Variants in ANO3 observed in about 807,000 individuals in gnomAD.
The protein encoded by ANO3 is anoctamin 3, also known as anoctamin-3.
A neutral mutation model predicts 144.8 loss-of-function variants in ANO3; 99 were observed. That is an observed-to-expected ratio of 0.68 (90% confidence interval 0.58 to 0.81). ANO3 has a LOEUF of 0.81. Among genes scored for constraint, ANO3 ranks in the 30% least tolerant of loss-of-function variants. The pLI is 0.00. For missense variants in ANO3, 905 were observed against 1,202.2 expected, an observed-to-expected ratio of 0.75 and a Z score of 3.66; for synonymous variants, 414 against 392.6, an observed-to-expected ratio of 1.05 and a Z score of -0.64.
At chr11:26,427,642 G>A (rs1438090339) in intron 1 of ANO3, among the ~76,000 whole-genome samples, 2 of 152,080 alleles carry the variant, frequency 1.3e-5, no homozygotes, top group Non-Finnish European at 2.9e-5. Context: ...GCAAACAGCT[G>A]TTGCACAACA....
intron 4 of ANO3, among the ~76,000 whole-genome samples, chr11:26,495,573 T>C (rs1860902803): frequency 6.6e-6 from 1 of 152,182 alleles, no homozygotes; most frequent in South Asian, 2.1e-4. Context: ...GTAGCCAACA[T>C]GATAGGGTCA....
At chr11:26,356,147 A>C (rs745603112) in intron 1 of ANO3, among the ~76,000 whole-genome samples, 1 of 152,034 alleles carries the variant, frequency 6.6e-6, no homozygotes, top group African/African-American at 2.4e-5. Context: ...CCACTCATCT[A>C]TATATTCCAA....
chr11:26,295,026 G>A (rs553731777), intron 1 of ANO3, among the ~76,000 whole-genome samples: 8 of 152,032 alleles, frequency 5.3e-5, no homozygotes, highest in Non-Finnish European at 1.0e-4. Flanking sequence ...AGCCTCCTGA[G>A]TAACTGGGAC....
At position 26,259,384 on chromosome 11, in the gene ANO3, T is replaced by TTTAGACATAGCATAAAATTC. The variant is rs1202165451; in HGVS notation, c.155-50261_155-50260insTTAGACATAGCATAAAATTC. Among the ~76,000 whole-genome samples, 6 of 152,252 alleles carry TTTAGACATAGCATAAAATTC rather than the reference T, an allele frequency of 3.9e-5. No individual in the cohort carries two copies. In the East Asian group the frequency reaches 1.2e-3, roughly 29 times the overall value. Reference sequence around the variant, plus strand: ...GATAAAAATGGCCAGGCATGGTGGCTCACGCCTATAATTCCACCTCTTTGG... The same window carrying TTTAGACATAGCATAAAATTC: ...GATAAAAATGGCCAGGCATGGTGGCTTTAGACATAGCATAAAATTCCACGCCTATAATTCCACCTCTTTGG... On this transcript the variant is annotated intron_variant, in intron 1 of 27. Coordinates refer to the ANO3 transcript ENST00000672621.
intron 1 of ANO3, among the ~76,000 whole-genome samples, chr11:26,312,643 G>C (rs1403984254): frequency 2.0e-5 from 3 of 152,136 alleles, no homozygotes; most frequent in African/African-American, 7.2e-5. Flanking sequence ...TAAATGTCTT[G>C]TTTTGAGAAG....
At chr11:26,445,483 C>T (rs928202276) in intron 3 of ANO3, among the ~76,000 whole-genome samples, 1 of 151,986 alleles carries the variant, frequency 6.6e-6, no homozygotes, top group African/African-American at 2.4e-5. Context: ...ATTGGATGCT[C>T]GTAACTTTAT....
At chr11:26,438,184 G>A (rs1236336064) in intron 1 of ANO3, among the ~76,000 whole-genome samples, 2 of 152,018 alleles carry the variant, frequency 1.3e-5, no homozygotes, top group Admixed American at 6.6e-5. Flanking sequence ...AAAGAAACTC[G>A]CATTTACAAT....
intron 17 of ANO3, among the ~76,000 whole-genome samples, chr11:26,613,714 A>C (rs1852166720): frequency 6.6e-6 from 1 of 152,100 alleles, no homozygotes; most frequent in Non-Finnish European, 1.5e-5. Context: ...CTCTAGTGTG[A>C]TCTTCATGGT....
chr11:26,280,908 GA>G (rs2133844269), intron 1 of ANO3, among the ~76,000 whole-genome samples: 1 of 152,256 alleles, frequency 6.6e-6, no homozygotes, highest in South Asian at 2.1e-4. Flanking sequence ...CAGCAATTGG[GA>G]AGCTGGACAT....
intron 1 of ANO3, 23 bp from the exon 2 acceptor site, chr11:26,441,895 A>C: frequency 6.3e-7 from 1 of 1,589,238 alleles, no homozygotes; most frequent in Non-Finnish European, 8.6e-7. Flanking sequence ...TTATTGCTAA[A>C]ACTCAACATT....
intron 1 of ANO3, among the ~76,000 whole-genome samples, chr11:26,298,679 T>A (rs1854148577): frequency 6.6e-6 from 1 of 152,224 alleles, no homozygotes; most frequent in Non-Finnish European, 1.5e-5. Flanking sequence ...CTAAATCTAC[T>A]ATCATTTTGG....
chr11:26,389,973 T>C (rs1223523771), intron 1 of ANO3, among the ~76,000 whole-genome samples: 2 of 152,050 alleles, frequency 1.3e-5, no homozygotes, highest in Non-Finnish European at 2.9e-5. Context: ...TATGTAACGG[T>C]CTGAATTGTT....
At chr11:26,579,427 T>G (rs1851073344) in intron 14 of ANO3, among the ~76,000 whole-genome samples, 1 of 152,128 alleles carries the variant, frequency 6.6e-6, no homozygotes, top group African/African-American at 2.4e-5. Flanking sequence ...AAAAGGAAAT[T>G]TATTCATGAC....
intron 4 of ANO3, among the ~76,000 whole-genome samples, chr11:26,471,018 G>A (rs573949154): frequency 6.6e-6 from 1 of 152,010 alleles, no homozygotes; most frequent in African/African-American, 2.4e-5. Flanking sequence ...AATATGCACT[G>A]ATCACTTTTG....
At chr11:26,551,520 T>C (rs1849932997) in intron 12 of ANO3, among the ~76,000 whole-genome samples, 1 of 152,028 alleles carries the variant, frequency 6.6e-6, no homozygotes, top group Non-Finnish European at 1.5e-5. Context: ...AGAAAATGAA[T>C]GTAATGATTC....
intron 2 of ANO3, 69 bp from the exon 3 acceptor site, chr11:26,443,696 A>C: frequency 1.2e-6 from 1 of 849,582 alleles, no homozygotes; most frequent in Non-Finnish European, 1.8e-6. Flanking sequence ...GTCCATCTAT[A>C]ACCATGGTTA....
rs1486040101 is a variant in ANO3, at chr11:26,584,829, TGAACTGTAAACTGAG to T, written c.1448-13532_1448-13518del. Among the ~76,000 whole-genome samples the T allele has an allele frequency of 2.6e-5, 4 of 152,302 alleles. No individual in the cohort carries two copies. In the East Asian group the frequency reaches 7.7e-4, roughly 29 times the overall value. ...TCTATGATTCTGATAGTCTGTGCTG[TGAACTGTAAACTGAG>T]GAAATGGAGCTATAAGAACTAAGTG... On this transcript the variant is annotated intron_variant, in intron 14 of 26. Coordinates refer to ENST00000256737, the MANE Select transcript of ANO3 (RefSeq NM_031418.4).
chr11:26,205,889 A>G (rs535923263), intron 1 of ANO3, among the ~76,000 whole-genome samples: 1 of 152,334 alleles, frequency 6.6e-6, no homozygotes, highest in Admixed American at 6.5e-5. Context: ...AAAGCCTTTT[A>G]AGAAAAACTG....
intron 1 of ANO3, among the ~76,000 whole-genome samples, chr11:26,345,417 G>T (rs563421983): frequency 6.6e-6 from 1 of 152,134 alleles, no homozygotes; most frequent in East Asian, 1.9e-4. Flanking sequence ...TTAGGGTATC[G>T]TGGCATGTGC....
Sources: allele counts gnomAD v4.1 joint callset (sites outside exome capture counted in the v4.1 genomes callset), GRCh38; gene constraint gnomAD v4.1.1; transcripts MANE v1.5; gene names NCBI Gene and HGNC (gene_info 2026-07-23, HGNC 2026-07-21).